Variants in LDLRAD3 observed in about 807,000 individuals in gnomAD.
The protein encoded by LDLRAD3 is low-density lipoprotein receptor class A domain-containing protein 3.
A neutral mutation model predicts 29.4 loss-of-function variants in LDLRAD3; 20 were observed. That is an observed-to-expected ratio of 0.68 (90% CI 0.48 to 0.99). The LOEUF is 0.99. Among genes scored for constraint, LDLRAD3 ranks in the 50% least tolerant of loss-of-function variants. LDLRAD3 has a pLI of 0.00. For synonymous variants in LDLRAD3, 157 were observed against 192.7 expected (o/e 0.81, Z 1.53); for missense variants, 420 against 454.3 (o/e 0.92, Z 0.69).
At chr11:36,049,489 A>T (rs574910661) in intron 2 of LDLRAD3, among the ~76,000 whole-genome samples, 1 of 152,278 alleles carries the variant, frequency 6.6e-6, no homozygotes, top group South Asian at 2.1e-4. Flanking sequence ...GAGTGGGAGG[A>T]GATGGGGGTA....
At chr11:36,132,572 G>A (rs10768189) in intron 4 of LDLRAD3, among the ~76,000 whole-genome samples, 58,196 of 152,054 alleles carry the variant, frequency 0.38, 11,428 homozygotes, top group East Asian at 0.62. Flanking sequence ...GTGGTTTGTC[G>A]AAGGTCACAA....
Position 36,040,320 on chromosome 11 carries a change from C to T in LDLRAD3, c.193+4071C>T, listed in dbSNP as rs564998858. 5.3e-5 allele frequency among the ~76,000 whole-genome samples: 8 copies of T among 150,902 alleles called. 1 individual carries two copies. The highest frequency in any genetic ancestry group is 2.1e-4 in the South Asian group (1 of 4,766). On this transcript the variant is annotated intron_variant, in intron 2 of 5. Coordinates refer to ENST00000315571, the MANE Select transcript of LDLRAD3 (RefSeq NM_174902.4). ...GAAGATTTTTTTTTTTTAATCGTGA[C>T]GGTAATAAGATCACATATTGTAAAA...
intron 3 of LDLRAD3, among the ~76,000 whole-genome samples, chr11:36,083,321 C>A (rs1853144358): frequency 6.6e-6 from 1 of 152,130 alleles, no homozygotes; most frequent in African/African-American, 2.4e-5. Flanking sequence ...CCTATTCATC[C>A]CTTTTTGTAC....
intron 4 of LDLRAD3, among the ~76,000 whole-genome samples, chr11:36,159,602 TAAAAAAAAAAAAAA>T (rs66512652): frequency 1.7e-5 from 1 of 58,468 alleles, no homozygotes; most frequent in Non-Finnish European, 3.1e-5. Context: ...TTACAGAAAC[TAAAAAAAAAAAAAA>T]AAAAAAAAAA....
rs76083947 is a variant in LDLRAD3, at chr11:36,148,490, T to A, written c.454+50029T>A. The stretch of plus-strand genomic sequence containing the variant: ...CCTTTATGATTTTTCTCTCACTGCC[T>A]GCTTTTGGAAAAATCTTCTGACAGT... On this transcript the variant is annotated intron_variant, in intron 4 of 5. Coordinates refer to ENST00000315571, the MANE Select transcript of LDLRAD3 (RefSeq NM_174902.4). Among the ~76,000 whole-genome samples the A allele has an allele frequency of 5.7e-3, 874 of 152,282 alleles. 9 individuals are homozygous for A. The highest frequency in any genetic ancestry group is 0.02 in the African/African-American group (841 of 41,550).
chr11:36,097,072 T>C (rs1223020248), intron 3 of LDLRAD3, among the ~76,000 whole-genome samples: 1 of 152,172 alleles, frequency 6.6e-6, no homozygotes, highest in East Asian at 1.9e-4. Context: ...GTGCTGACCT[T>C]GTACTGGCCA....
chr11:36,076,469 C>G (rs1421356416), intron 2 of LDLRAD3, among the ~76,000 whole-genome samples: 1 of 152,070 alleles, frequency 6.6e-6, no homozygotes, highest in African/African-American at 2.4e-5. Context: ...TCACTGCAAC[C>G]TCCACCTCCC....
chr11:36,110,866 G>A (rs1214407846), intron 4 of LDLRAD3, among the ~76,000 whole-genome samples: 1 of 152,124 alleles, frequency 6.6e-6, no homozygotes, highest in Non-Finnish European at 1.5e-5. Context: ...TTTTCCTAGG[G>A]GGATATGGCA....
intron 1 of LDLRAD3, among the ~76,000 whole-genome samples, chr11:35,950,030 G>A (rs556664061): frequency 1.3e-5 from 2 of 152,216 alleles, no homozygotes; most frequent in Non-Finnish European, 2.9e-5. Flanking sequence ...CATCATCTCT[G>A]CCACACCCAG....
At chr11:35,945,357 A>G (rs994041993) in intron 1 of LDLRAD3, among the ~76,000 whole-genome samples, 30 of 152,182 alleles carry the variant, frequency 2.0e-4, no homozygotes, top group African/African-American at 6.5e-4. Flanking sequence ...CTCACAGCCC[A>G]CTGGGCAGCC....
chr11:36,130,081 C>T (rs568895531), intron 4 of LDLRAD3, among the ~76,000 whole-genome samples: 2 of 152,278 alleles, frequency 1.3e-5, no homozygotes, highest in South Asian at 4.1e-4. Flanking sequence ...TAATGGCTAG[C>T]TTTTATCAGC....
At position 35,975,080 on chromosome 11, in the gene LDLRAD3, G is replaced by A. The variant is rs149500099; in HGVS notation, c.46+30936G>A. ...TGGACTTCATTTCGTAAGACCCTTT[G>A]GCAGCTCTTCACTGGCTGAACTTGA... is the stretch of plus-strand genomic sequence containing the variant. On this transcript the variant is annotated intron_variant, in intron 1 of 5. Transcript: ENST00000315571. 1.5e-4 allele frequency among the ~76,000 whole-genome samples: 23 copies of A among 152,206 alleles called. No homozygotes were observed. In the East Asian group the frequency reaches 4.3e-3, roughly 28 times the overall value.
At chr11:36,072,072 A>G (rs1362667265) in intron 2 of LDLRAD3, among the ~76,000 whole-genome samples, 1 of 152,210 alleles carries the variant, frequency 6.6e-6, no homozygotes, top group African/African-American at 2.4e-5. Flanking sequence ...ATTGTGGAAC[A>G]GCTCCTCATT....
chr11:36,197,099 A>G (rs1855045096), intron 4 of LDLRAD3: 1 of 152,240 alleles, frequency 6.6e-6, no homozygotes, highest in Admixed American at 6.5e-5. Flanking sequence ...CAGAAAAATT[A>G]AAAACATTAG....
chr11:36,139,494 C>A (rs1854049307), intron 4 of LDLRAD3, among the ~76,000 whole-genome samples: 1 of 152,194 alleles, frequency 6.6e-6, no homozygotes, highest in African/African-American at 2.4e-5. Flanking sequence ...CAAGAGCCTC[C>A]TGGCTTGCTG....
chr11:35,980,117 T>A (rs1291212197), intron 1 of LDLRAD3, among the ~76,000 whole-genome samples: 1 of 152,246 alleles, frequency 6.6e-6, no homozygotes, highest in Non-Finnish European at 1.5e-5. Flanking sequence ...CTCTAATGAG[T>A]TCATCAGTTT....
chr11:36,124,718 G>A (rs1401964353), intron 4 of LDLRAD3, among the ~76,000 whole-genome samples: 1 of 149,120 alleles, frequency 6.7e-6, no homozygotes, highest in Non-Finnish European at 1.5e-5. Flanking sequence ...TGGAGACAGA[G>A]TCTCACTCTG....
chr11:36,224,451 C>T (rs1289701751), intron 4 of LDLRAD3, among the ~76,000 whole-genome samples: 3 of 152,170 alleles, frequency 2.0e-5, no homozygotes, highest in Non-Finnish European at 2.9e-5. Flanking sequence ...CATACACAAG[C>T]CTCCACCCAG....
rs188818692 is a variant in LDLRAD3 at position 36,143,832 on chromosome 11, C to T, written c.454+45371C>T. Among the ~76,000 whole-genome samples, 71 of 152,194 alleles carry T rather than the reference C, an allele frequency of 4.7e-4. 1 individual carries two copies. Among genetic ancestry groups the T allele is most frequent in the Admixed American group, 2.4e-3 (36 of 15,302 alleles). ...CCTACAAACAAAACAAAACAAAAAC[C>T]TCATTTTAGCTTAATCACTTCTCGA... is the stretch of plus-strand genomic sequence containing the variant. On this transcript the variant is annotated intron_variant, in intron 4 of 5. Transcript: ENST00000315571.
Sources: gnomAD v4.1 joint callset for allele counts (sites outside exome capture counted in the v4.1 genomes callset) on GRCh38, gnomAD v4.1.1 for gene constraint, MANE v1.5 for transcripts, NCBI Gene and HGNC (gene_info 2026-07-23, HGNC 2026-07-21) for gene names.